RCSD1: variants seen among roughly 807,000 people sequenced by gnomAD.
RCSD1 encodes the protein RCSD domain containing 1, also known as capZ-interacting protein.
A neutral mutation model predicts 42.5 loss-of-function variants in RCSD1; 26 were observed. The ratio of observed to expected loss-of-function variants is 0.61; its 90% CI spans 0.45 to 0.85. RCSD1 has a LOEUF of 0.85. RCSD1 is among the 40% of genes least tolerant of loss of function. RCSD1 has a pLI of 0.00. For synonymous variants in RCSD1, 220 were observed against 212.2 expected, an observed-to-expected ratio of 1.04 and a Z score of -0.32; for missense variants, 571 against 528.3, an observed-to-expected ratio of 1.08 and a Z score of -0.79.
Position 167,685,462 on chromosome 1 carries a change from C to T in RCSD1, c.150C>T (p.Ser50=). ...CAACCCGAAGGAAACCGCCCTGTTC[C>T]CTCCCCCTGTTCCCCCCCAAGGTAG... ...SKPTRRKPPC[S]LPLFPPKVDL... is the part of the protein sequence containing the mutation. Residue 50 remains serine, a synonymous_variant, in exon 3 of 7, where the codon TCC becomes TCT. Transcript: ENST00000367854. 1 of 1,613,918 alleles carries T rather than the reference C, an allele frequency of 6.2e-7. No homozygotes were observed. The highest frequency in any genetic ancestry group is 8.5e-7 in the Non-Finnish European group (1 of 1,179,918).
intron 1 of RCSD1, among the ~76,000 whole-genome samples, chr1:167,638,158 T>A (rs1488017020): frequency 1.3e-5 from 2 of 152,148 alleles, no homozygotes; most frequent in Non-Finnish European, 2.9e-5. Flanking sequence ...ACGACCTCCA[T>A]CTCTGAAGCA....
Position 167,708,428 on chromosome 1 carries a change from A to G in RCSD1, c.*3732A>G, listed in dbSNP as rs1221305608. On this transcript the variant is annotated 3_prime_UTR_variant, in exon 7 of 7. Coordinates refer to ENST00000367854, the MANE Select transcript of RCSD1 (RefSeq NM_052862.4). ...TTTGCTCGATGGACCACGTGAAAAAAGGATAAACAATGTCTCTATATAATG... is the reference window on the plus strand; with the variant it reads ...TTTGCTCGATGGACCACGTGAAAAAGGGATAAACAATGTCTCTATATAATG... Among the ~76,000 whole-genome samples, 3 of 152,248 alleles carry G rather than the reference A, an allele frequency of 2.0e-5. No individual in the cohort carries two copies. The highest frequency in any genetic ancestry group is 4.4e-5 in the Non-Finnish European group (3 of 68,040).
rs149063966 is a variant in RCSD1, at chr1:167,642,578, G to T, written c.6+12149G>T. 3.1e-3 allele frequency among the ~76,000 whole-genome samples: 470 copies of T among 152,328 alleles called. 2 individuals carry two copies. The highest frequency in any genetic ancestry group is 0.011 in the African/African-American group (445 of 41,576). On this transcript the variant is annotated intron_variant, in intron 1 of 6. Transcript: ENST00000367854. The stretch of plus-strand genomic sequence containing the variant: ...AGCGTTAAGGGCATCTGTTTAGACT[G>T]TTTCTCAAGTTTCTTAGTCCTGGAA...
At chr1:167,676,155 C>T (rs1488720634) in intron 1 of RCSD1, among the ~76,000 whole-genome samples, 2 of 152,160 alleles carry the variant, frequency 1.3e-5, no homozygotes, top group Admixed American at 6.5e-5. Flanking sequence ...ATCTGAGGCA[C>T]GGACAAGTTA....
rs374085828 is a variant in RCSD1 at position 167,685,427 on chromosome 1, G to C, written c.115G>C (p.Ala39Pro). 2.8e-5 allele frequency: 45 copies of C among 1,613,484 alleles called. No homozygotes were observed. Among genetic ancestry groups the C allele is most frequent in the Admixed American group, 1.0e-4 (6 of 59,952 alleles). Residue 39 changes from alanine to proline, a missense_variant, in exon 3 of 7, where the codon GCC (alanine) becomes CCC (proline). Ala to Pro is a conservative substitution (Grantham distance 27, BLOSUM62 -1). Coordinates refer to ENST00000367854, the MANE Select transcript of RCSD1 (RefSeq NM_052862.4). ...EQAAAAKETPASKPTRRKPPC... is the reference protein window; with the variant it reads ...EQAAAAKETPPSKPTRRKPPC... ...TCTGTCGCCCTCCCTCCAGACACCAGCCAGTAAACCAACCCGAAGGAAACC... is the reference window on the plus strand; with the variant it reads ...TCTGTCGCCCTCCCTCCAGACACCACCCAGTAAACCAACCCGAAGGAAACC...
intron 1 of RCSD1, among the ~76,000 whole-genome samples, chr1:167,649,718 T>A (rs1384180202): frequency 6.6e-6 from 1 of 152,160 alleles, no homozygotes; most frequent in Non-Finnish European, 1.5e-5. Flanking sequence ...AAAAGGAGTT[T>A]GAGAGGAGGA....
At position 167,697,737 on chromosome 1, in the gene RCSD1, A is replaced by G; in HGVS notation, c.1113A>G (p.Gln371=). 1 of 1,575,142 alleles carries G rather than the reference A, an allele frequency of 6.3e-7. No homozygotes were observed. Among genetic ancestry groups the G allele is most frequent in the Non-Finnish European group, 8.6e-7 (1 of 1,162,330 alleles). ...VPKQEKGKEK[Q]QEGAVLEPGC... Reference sequence around the variant, plus strand: ...AGCAGGAAAAAGGCAAGGAAAAACAACAGGAGGGGGCAGTGCTCGAGCCAG... The same window carrying G: ...AGCAGGAAAAAGGCAAGGAAAAACAGCAGGAGGGGGCAGTGCTCGAGCCAG... Residue 371 remains glutamine (Q), a synonymous_variant, in exon 6 of 7, where the codon CAA becomes CAG. Coordinates refer to ENST00000367854, the MANE Select transcript of RCSD1 (RefSeq NM_052862.4).
intron 1 of RCSD1, among the ~76,000 whole-genome samples, chr1:167,649,764 G>T (rs1448637783): frequency 6.6e-6 from 1 of 152,198 alleles, no homozygotes; most frequent in Non-Finnish European, 1.5e-5. Context: ...TCTATCTAAG[G>T]CCTAGCTGAC....
chr1:167,655,281 C>T (rs561711164), intron 1 of RCSD1, among the ~76,000 whole-genome samples: 1 of 152,326 alleles, frequency 6.6e-6, no homozygotes, highest in East Asian at 1.9e-4. Flanking sequence ...GGTTGGCCCA[C>T]AGGAGAGAGG....
At chr1:167,693,493 C>T (rs1300470074) in intron 4 of RCSD1, among the ~76,000 whole-genome samples, 1 of 152,220 alleles carries the variant, frequency 6.6e-6, no homozygotes, top group Non-Finnish European at 1.5e-5. Context: ...CTGCCTTCGT[C>T]CTGGAGCTCA....
chr1:167,687,811 C>T (rs573801011), intron 3 of RCSD1, among the ~76,000 whole-genome samples: 1 of 152,358 alleles, frequency 6.6e-6, no homozygotes, highest in South Asian at 2.1e-4. Context: ...CACCTGCTGA[C>T]TGCAGGGCCC....
chr1:167,655,241 T>C (rs1349326619), intron 1 of RCSD1, among the ~76,000 whole-genome samples: 1 of 152,172 alleles, frequency 6.6e-6, no homozygotes, highest in Non-Finnish European at 1.5e-5. Context: ...TGTTAAAGCG[T>C]CTGGTCCAGG....
At position 167,697,289 on chromosome 1, in the gene RCSD1, G is replaced by A. The variant is rs1476006281; in HGVS notation, c.665G>A (p.Gly222Glu). 6.2e-7 allele frequency: 1 copy of A among 1,614,130 alleles called. No homozygotes were observed. Among genetic ancestry groups the A allele is most frequent in the Non-Finnish European group, 8.5e-7 (1 of 1,180,014 alleles). ...KAPGSPLSSE[G>E]AAGEGVRTLG... ...CCAGGATCCCCTTTGTCCAGTGAGG[G>A]AGCAGCGGGAGAGGGAGTGAGAACC... The change falls in exon 6 of 7, where the codon GGA (glycine) becomes GAA (glutamate). Residue 222 changes from glycine (G) to glutamate (E), a missense_variant. Coordinates refer to ENST00000367854, the MANE Select transcript of RCSD1 (RefSeq NM_052862.4).
At chr1:167,668,246 A>T (rs1006400424) in intron 1 of RCSD1, among the ~76,000 whole-genome samples, 2 of 151,672 alleles carry the variant, frequency 1.3e-5, no homozygotes, top group African/African-American at 4.8e-5. Context: ...GATTGCACCA[A>T]TGCACTCCAG....
chr1:167,670,476 A>G (rs1658777717), intron 1 of RCSD1, among the ~76,000 whole-genome samples: 1 of 152,138 alleles, frequency 6.6e-6, no homozygotes, highest in South Asian at 2.1e-4. Context: ...GAAGACAAAA[A>G]TGGTTGTGTG....
intron 2 of RCSD1, among the ~76,000 whole-genome samples, chr1:167,684,212 C>T (rs1558088835): frequency 6.6e-6 from 1 of 152,224 alleles, no homozygotes; most frequent in Non-Finnish European, 1.5e-5. Flanking sequence ...GAGGCTTGCA[C>T]TCTGGCCAGG....
At chr1:167,702,844 C>G (rs535620662) in intron 6 of RCSD1, among the ~76,000 whole-genome samples, 1 of 152,322 alleles carries the variant, frequency 6.6e-6, no homozygotes, top group South Asian at 2.1e-4. Context: ...TTCTCAAACA[C>G]TCATTATGTA....
At chr1:167,671,284 G>A (rs1268476678) in intron 1 of RCSD1, among the ~76,000 whole-genome samples, 1 of 152,202 alleles carries the variant, frequency 6.6e-6, no homozygotes, top group Admixed American at 6.5e-5. Context: ...CCCACAAATA[G>A]AAGGCTTCTG....
chr1:167,662,377 T>C (rs749293512), intron 1 of RCSD1, among the ~76,000 whole-genome samples: 1 of 152,206 alleles, frequency 6.6e-6, no homozygotes, highest in African/African-American at 2.4e-5. Context: ...ATGTGGTATA[T>C]GCAGGCTGTC....
Sources: allele counts gnomAD v4.1 joint callset (sites outside exome capture counted in the v4.1 genomes callset), GRCh38; gene constraint gnomAD v4.1.1; transcripts MANE v1.5; gene names NCBI Gene and HGNC (gene_info 2026-07-23, HGNC 2026-07-21).